Variants in PARD3B observed in about 807,000 individuals in gnomAD.
The protein encoded by PARD3B is par-3 family cell polarity regulator beta.
Under a neutral mutation model 130.2 loss-of-function variants are expected in PARD3B, and 103 were observed. That is an observed-to-expected ratio of 0.79 (90% CI 0.67 to 0.93). The LOEUF (loss-of-function observed/expected upper bound fraction) is 0.93. PARD3B is among the 40% of genes least tolerant of loss of function. The pLI is 0.00. For missense variants in PARD3B, 1,609 were observed against 1,499.2 expected (o/e 1.07, Z -1.21); for synonymous variants, 583 against 553.2 (o/e 1.05, Z -0.76).
In PARD3B at chr2:204,943,312, G is replaced by A. The variant is rs1441963699; in HGVS notation, c.223-21840G>A. ...TGACTGGAAAGATCGCATAGGTCAC[G>A]AGGATCTTCCTATGACCTATGATGA... On this transcript the variant is annotated intron_variant, in intron 2 of 22. Transcript: ENST00000406610. This position sits in a 1 kb window ranked among gnomAD's most constrained non-coding sequence, Gnocchi z 4.2. Among the ~76,000 whole-genome samples, 1 of 152,168 alleles carries A rather than the reference G, an allele frequency of 6.6e-6. No homozygotes were observed. Among genetic ancestry groups the A allele is most frequent in the Non-Finnish European group, 1.5e-5 (1 of 68,004 alleles).
chr2:205,484,678 C>T (rs1407231127), intron 20 of PARD3B, among the ~76,000 whole-genome samples: 1 of 151,928 alleles, frequency 6.6e-6, no homozygotes, highest in African/African-American at 2.4e-5. Flanking sequence ...ATAGTGTTGA[C>T]GGAACATATA....
rs563162372 is a variant in PARD3B, at chr2:204,763,793, G to T, written c.222+77511G>T. Among the ~76,000 whole-genome samples the T allele has an allele frequency of 2.6e-5, 4 of 152,290 alleles. No individual in the cohort carries two copies. In the South Asian group the frequency reaches 8.3e-4, roughly 32 times the overall value. The stretch of plus-strand genomic sequence containing the variant: ...GGTGTATATATGTGATAAATGCACT[G>T]TGCCATTTATTCACCTTCAATACAT... On this transcript the variant is annotated intron_variant, in intron 2 of 22. Transcript: ENST00000406610.
At chr2:205,376,866 A>G (rs1254280185) in intron 18 of PARD3B, among the ~76,000 whole-genome samples, 1 of 152,154 alleles carries the variant, frequency 6.6e-6, no homozygotes, top group African/African-American at 2.4e-5. Context: ...AAGAAAGTAC[A>G]TGGGTAGATG....
intron 10 of PARD3B, among the ~76,000 whole-genome samples, chr2:205,139,805 A>G (rs952375998): frequency 5.9e-5 from 9 of 152,222 alleles, no homozygotes; most frequent in Non-Finnish European, 2.9e-5. Context: ...GCCCTTCTAA[A>G]ACAGAAACCA....
chr2:205,515,760 G>A (rs991293300), intron 21 of PARD3B, among the ~76,000 whole-genome samples: 2 of 152,108 alleles, frequency 1.3e-5, no homozygotes, highest in East Asian at 3.9e-4. Flanking sequence ...TGTTTACTCT[G>A]TTGATAGCTT....
intron 10 of PARD3B, among the ~76,000 whole-genome samples, chr2:205,138,280 T>C (rs907045485): frequency 6.6e-6 from 1 of 152,346 alleles, no homozygotes; most frequent in South Asian, 2.1e-4. Flanking sequence ...AGGCCAGGCA[T>C]GCTCCTTTCC....
At chr2:205,501,864 A>G (rs559096309) in intron 21 of PARD3B, among the ~76,000 whole-genome samples, 1 of 152,264 alleles carries the variant, frequency 6.6e-6, no homozygotes, top group East Asian at 1.9e-4. Context: ...TTTTATGCCA[A>G]GTAAACGTGT....
chr2:205,347,457 T>A (rs976635833), intron 18 of PARD3B, among the ~76,000 whole-genome samples: 1 of 152,180 alleles, frequency 6.6e-6, no homozygotes, highest in Non-Finnish European at 1.5e-5. Flanking sequence ...GCTGTAAAAA[T>A]TTATGCTATT....
chr2:205,607,800 A>G (rs571820816), intron 22 of PARD3B, among the ~76,000 whole-genome samples: 63 of 148,288 alleles, frequency 4.2e-4, no homozygotes, highest in Admixed American at 1.7e-3. Flanking sequence ...TAATGAAATC[A>G]TGACATGGAG....
At chr2:204,827,397 A>C (rs1406317133) in intron 2 of PARD3B, among the ~76,000 whole-genome samples, 1 of 152,182 alleles carries the variant, frequency 6.6e-6, no homozygotes, top group Admixed American at 6.5e-5. Flanking sequence ...ATATTAATTT[A>C]ATTGGTTTCC....
chr2:205,402,553 G>A (rs1198289071), intron 19 of PARD3B, among the ~76,000 whole-genome samples: 2 of 152,114 alleles, frequency 1.3e-5, no homozygotes, highest in African/African-American at 4.8e-5. Flanking sequence ...TAGTAGCTGG[G>A]GAACTGTGTG....
intron 18 of PARD3B, among the ~76,000 whole-genome samples, chr2:205,375,159 A>G (rs1015713405): frequency 2.0e-5 from 3 of 152,176 alleles, no homozygotes; most frequent in Admixed American, 6.5e-5. Context: ...TTACCCTGAC[A>G]CTTGTCTCAT....
intron 15 of PARD3B, among the ~76,000 whole-genome samples, chr2:205,218,053 C>T (rs2038045713): frequency 6.6e-6 from 1 of 151,284 alleles, no homozygotes; most frequent in African/African-American, 2.4e-5. Context: ...TCACAATGCT[C>T]AGCTAATTTT....
rs1365316371 is a variant in PARD3B, at chr2:205,558,632, C to T, written c.3260+5229C>T. 6.6e-6 allele frequency among the ~76,000 whole-genome samples: 1 copy of T among 152,174 alleles called. No individual in the cohort carries two copies. The highest frequency in any genetic ancestry group is 1.5e-5 in the Non-Finnish European group (1 of 68,034). ...CTGCCCACACCACTGATACTTCCAC[C>T]AGACTCTGCTTCCCGCCTTTTGCTC... On this transcript the variant is annotated intron_variant, in intron 22 of 22. Transcript: ENST00000406610. This position sits in a 1 kb window ranked among gnomAD's most constrained non-coding sequence, Gnocchi z 4.8.
At chr2:205,527,062 G>T (rs2051370209) in intron 21 of PARD3B, among the ~76,000 whole-genome samples, 1 of 152,170 alleles carries the variant, frequency 6.6e-6, no homozygotes, top group Non-Finnish European at 1.5e-5. Flanking sequence ...CACAAGTGTA[G>T]AAGCATCATC....
intron 20 of PARD3B, among the ~76,000 whole-genome samples, chr2:205,445,581 G>T (rs148915869): frequency 6.6e-6 from 1 of 152,260 alleles, no homozygotes; most frequent in African/African-American, 2.4e-5. Context: ...TACAAAAACA[G>T]TACCAGTGGG....
chr2:205,398,438 G>T (rs533448622), intron 18 of PARD3B, among the ~76,000 whole-genome samples: 1 of 152,270 alleles, frequency 6.6e-6, no homozygotes, highest in African/African-American at 2.4e-5. Context: ...AGAGAGAAAA[G>T]GACAAAAAAC....
Position 204,835,724 on chromosome 2 carries a change from A to G in PARD3B, c.223-129428A>G, listed in dbSNP as rs1259591784. On this transcript the variant is annotated intron_variant, in intron 2 of 22. Coordinates refer to ENST00000406610, the MANE Select transcript of PARD3B (RefSeq NM_001302769.2). The stretch of plus-strand genomic sequence containing the variant: ...CCTATTCAGTAGAAACCACACTTCC[A>G]GATTTGAATTTTCATCTTTTCCCAG... 2.6e-5 allele frequency among the ~76,000 whole-genome samples: 4 copies of G among 152,234 alleles called. No homozygotes were observed. The East Asian group carries it at 5.8e-4, about 22-fold the overall frequency.
intron 2 of PARD3B, among the ~76,000 whole-genome samples, chr2:204,774,099 C>T (rs1376748571): frequency 6.6e-6 from 1 of 151,990 alleles, no homozygotes; most frequent in Non-Finnish European, 1.5e-5. Flanking sequence ...TATTCCAAGT[C>T]TGCCTGGACT....
Sources: gnomAD v4.1 joint callset for allele counts (sites outside exome capture counted in the v4.1 genomes callset) on GRCh38, gnomAD v4.1.1 for gene constraint, Gnocchi (gnomAD v3.1) non-coding constraint, MANE v1.5 for transcripts, NCBI Gene and HGNC (gene_info 2026-07-23, HGNC 2026-07-21) for gene names.